The following FRMD4A variants were observed in gnomAD, a reference collection of about 807,000 sequenced individuals.
The protein encoded by FRMD4A is FERM domain containing 4A, also known as FERM domain-containing protein 4A.
A neutral mutation model predicts 129.1 loss-of-function variants in FRMD4A; 29 were observed. That is an observed-to-expected ratio of 0.22 (90% CI 0.17 to 0.31). FRMD4A has a LOEUF of 0.31. FRMD4A is among the 10% of genes least tolerant of loss of function. FRMD4A has a pLI of 1.00. For synonymous variants in FRMD4A, 634 were observed against 571.6 expected (o/e 1.11, Z -1.56); for missense variants, 1,272 against 1,375.8 (o/e 0.92, Z 1.19).
At chr10:14,140,948 G>A (rs1233985835) in intron 2 of FRMD4A, among the ~76,000 whole-genome samples, 2 of 152,056 alleles carry the variant, frequency 1.3e-5, no homozygotes, top group Non-Finnish European at 1.5e-5. Flanking sequence ...GGCAGGGACC[G>A]GCCAGCAATT....
chr10:13,674,822 A>G (rs1459584706), intron 16 of FRMD4A, 89 bp downstream of exon 16: 1 of 1,382,928 alleles, frequency 7.2e-7, no homozygotes, highest in Non-Finnish European at 1.0e-6. Flanking sequence ...CATCAGTCAA[A>G]TGACATCAAA....
chr10:14,176,802 C>T (rs1841745813), intron 2 of FRMD4A, among the ~76,000 whole-genome samples: 1 of 152,078 alleles, frequency 6.6e-6, no homozygotes, highest in Admixed American at 6.6e-5. Flanking sequence ...ATTCTCTGTC[C>T]TCTTCCCCAG....
chr10:14,018,364 G>A (rs1346419373), intron 2 of FRMD4A, among the ~76,000 whole-genome samples: 1 of 148,668 alleles, frequency 6.7e-6, no homozygotes, highest in Non-Finnish European at 1.5e-5. Flanking sequence ...GCTGAGGCAG[G>A]AGAATGGTGT....
chr10:13,840,316 G>C (rs1025107791), intron 3 of FRMD4A, among the ~76,000 whole-genome samples: 1 of 152,138 alleles, frequency 6.6e-6, no homozygotes, highest in Non-Finnish European at 1.5e-5. Context: ...AGGACACAGG[G>C]AGAAGGCGGA....
chr10:14,079,811 T>C (rs145057586), intron 2 of FRMD4A, among the ~76,000 whole-genome samples: 88 of 152,212 alleles, frequency 5.8e-4, no homozygotes, highest in African/African-American at 2.0e-3. Context: ...AGGAATTAGA[T>C]GGGAAGGTGG....
chr10:14,148,515 G>A (rs1488007584), intron 2 of FRMD4A, among the ~76,000 whole-genome samples: 1 of 152,204 alleles, frequency 6.6e-6, no homozygotes, highest in Non-Finnish European at 1.5e-5. Flanking sequence ...TGTAATCCCA[G>A]CACTTTGGGA....
At chr10:13,775,801 G>T (rs546127470) in intron 6 of FRMD4A, among the ~76,000 whole-genome samples, 1 of 152,220 alleles carries the variant, frequency 6.6e-6, no homozygotes, top group East Asian at 1.9e-4. Flanking sequence ...AACCAAAGAG[G>T]AACGAGAACT....
chr10:14,073,154 G>C (rs1327745942), intron 2 of FRMD4A, among the ~76,000 whole-genome samples: 3 of 152,180 alleles, frequency 2.0e-5, no homozygotes, highest in African/African-American at 7.2e-5. Flanking sequence ...CAGCTCAGAG[G>C]TTGGTGACAG....
At position 14,237,182 on chromosome 10, in the gene FRMD4A, C is replaced by A. The variant is rs556828065; in HGVS notation, c.45+92876G>T. On this transcript the variant is annotated intron_variant, in intron 2 of 24. Coordinates refer to ENST00000357447, the MANE Select transcript of FRMD4A (RefSeq NM_018027.5). ...AGTCAGATAGGATGAGGAGATAGAACCTGGAGTGACGAGCACTGTCACGGT... is the reference window on the plus strand; with the variant it reads ...AGTCAGATAGGATGAGGAGATAGAAACTGGAGTGACGAGCACTGTCACGGT... 1.2e-4 allele frequency among the ~76,000 whole-genome samples: 19 copies of A among 152,020 alleles called. No individual in the cohort carries two copies. The South Asian group carries it at 3.5e-3, about 28-fold the overall frequency.
At position 14,319,367 on chromosome 10, in the gene FRMD4A, T is replaced by A. The variant is rs12252933; in HGVS notation, c.45+10691A>T. Among the ~76,000 whole-genome samples, 715 of 145,148 alleles carry A rather than the reference T, an allele frequency of 4.9e-3. 8 individuals carry two copies. Among genetic ancestry groups the A allele is most frequent in the Non-Finnish European group, 8.0e-3 (537 of 66,916 alleles). On this transcript the variant is annotated intron_variant, in intron 2 of 24. Coordinates refer to ENST00000357447, the MANE Select transcript of FRMD4A (RefSeq NM_018027.5). ...TCTCTCTCCTCTCTCTCTCTCTCTCTCACACACACACACACACACATGATA... is the reference window on the plus strand; with the variant it reads ...TCTCTCTCCTCTCTCTCTCTCTCTCACACACACACACACACACACATGATA...
intron 8 of FRMD4A, among the ~76,000 whole-genome samples, chr10:13,750,449 A>T (rs2091559610): frequency 6.6e-6 from 1 of 152,234 alleles, no homozygotes; most frequent in African/African-American, 2.4e-5. Context: ...GCTCCTACAA[A>T]GCTCACTGAC....
rs72780813 is a variant in FRMD4A, at chr10:14,295,093, G to A, written c.45+34965C>T. ...AAGGATGTCAGCCTGTATGAACTCA[G>A]GCCTTGGCATAGTTTTACATGGAGT... On this transcript the variant is annotated intron_variant, in intron 2 of 24. Coordinates refer to ENST00000357447, the MANE Select transcript of FRMD4A (RefSeq NM_018027.5). Among the ~76,000 whole-genome samples, 486 of 152,268 alleles carry A rather than the reference G, an allele frequency of 3.2e-3. 5 individuals carry two copies. Among genetic ancestry groups the A allele is most frequent in the Non-Finnish European group, 2.6e-3 (175 of 68,022 alleles).
chr10:13,812,878 G>C lies in FRMD4A; in HGVS notation c.112-1970C>G, dbSNP rs140650012. Among the ~76,000 whole-genome samples, 301 of 152,326 alleles carry C rather than the reference G, an allele frequency of 2.0e-3. 2 individuals are homozygous for C. Among genetic ancestry groups the C allele is most frequent in the Admixed American group, 3.9e-3 (59 of 15,296 alleles). On this transcript the variant is annotated intron_variant, in intron 3 of 24. Transcript: ENST00000357447. ...AAAAGCAATCTCTATAACCAACAGG[G>C]AATTCAAGGTGATACGTCAGACCCT...
chr10:13,966,416 G>A (rs1025066993), intron 2 of FRMD4A, among the ~76,000 whole-genome samples: 1 of 152,156 alleles, frequency 6.6e-6, no homozygotes. Context: ...AATTACTTTT[G>A]CACTAACCTA....
intron 15 of FRMD4A, among the ~76,000 whole-genome samples, chr10:13,677,363 G>C (rs1481190130): frequency 2.0e-5 from 3 of 152,150 alleles, no homozygotes; most frequent in Non-Finnish European, 4.4e-5. Flanking sequence ...TCATATACTT[G>C]GATGCTATAA....
chr10:14,227,608 C>T (rs1843489994), intron 2 of FRMD4A, among the ~76,000 whole-genome samples: 1 of 152,054 alleles, frequency 6.6e-6, no homozygotes, highest in Non-Finnish European at 1.5e-5. Flanking sequence ...GCGTCACTTA[C>T]ACCAAGCCTG....
At chr10:13,866,629 T>G (rs976718974) in intron 2 of FRMD4A, among the ~76,000 whole-genome samples, 4 of 152,154 alleles carry the variant, frequency 2.6e-5, no homozygotes, top group Non-Finnish European at 5.9e-5. Context: ...TCAAGAAATT[T>G]ACGGGAAATA....
At chr10:14,306,319 T>C (rs1253666867) in intron 2 of FRMD4A, among the ~76,000 whole-genome samples, 2 of 152,170 alleles carry the variant, frequency 1.3e-5, no homozygotes, top group Non-Finnish European at 2.9e-5. Context: ...GAAGGAACGG[T>C]GAAACGCCTG....
chr10:14,029,780 C>T (rs1199340642), intron 2 of FRMD4A, among the ~76,000 whole-genome samples: 2 of 149,248 alleles, frequency 1.3e-5, no homozygotes, highest in Admixed American at 6.7e-5. Context: ...ATTTTGATCA[C>T]CCAATTAGTC....
Sources: gnomAD v4.1 joint callset for allele counts (sites outside exome capture counted in the v4.1 genomes callset) on GRCh38, gnomAD v4.1.1 for gene constraint, MANE v1.5 for transcripts, NCBI Gene and HGNC (gene_info 2026-07-23, HGNC 2026-07-21) for gene names.